Variants in SHISA6 observed in about 807,000 individuals in gnomAD.
SHISA6 encodes the protein shisa family member 6.
In SHISA6, 22 loss-of-function variants were observed where a neutral mutation model predicts 47.9. The observed-to-expected ratio is 0.46, with a 90% CI of 0.33 to 0.66. SHISA6 has a LOEUF of 0.66. Among genes scored for constraint, SHISA6 ranks in the 30% least tolerant of loss-of-function variants. The probability of loss-of-function intolerance (pLI) is 0.02; values close to 1 mark genes in which losing one functional copy is unlikely to be tolerated. For synonymous variants in SHISA6, 388 were observed against 337.8 expected (o/e 1.15, Z -1.63); for missense variants, 680 against 764.6 (o/e 0.89, Z 1.30).
chr17:11,241,793 GC>G lies in SHISA6; in HGVS notation c.372del (p.Tyr125ThrfsTer60). The G allele has an allele frequency of 1.3e-6, 2 of 1,550,178 alleles. No homozygotes were observed. The highest frequency in any genetic ancestry group is 1.7e-6 in the Non-Finnish European group (2 of 1,146,988). Reference protein sequence around the residue: ...ESGYLYCCGTCYYRFCCKKRH... With the variant: ...ESGYLYCCGTXYYRFCCKKRH... ...GGCTACCTGTACTGCTGCGGTACCT[GC>G]TACTACCGCTTCTGCTGCAAGAAGC... On this transcript the variant is annotated frameshift_variant, in exon 1 of 6. Transcript: ENST00000441885. LOFTEE classifies it high-confidence loss of function. The surrounding 1 kb of genome is among the most constrained non-coding windows in gnomAD (Gnocchi z 5.5).
At chr17:11,504,383 A>C (rs927671946) in intron 3 of SHISA6, among the ~76,000 whole-genome samples, 10 of 152,300 alleles carry the variant, frequency 6.6e-5, no homozygotes, top group African/African-American at 2.4e-4. Flanking sequence ...CTCTTTCATC[A>C]TGAGGAGGAG....
chr17:11,522,460 G>A (rs2071638735), intron 3 of SHISA6, among the ~76,000 whole-genome samples: 1 of 152,116 alleles, frequency 6.6e-6, no homozygotes, highest in African/African-American at 2.4e-5. Flanking sequence ...TAGAGAAGTT[G>A]TAGTTTGGGA....
chr17:11,481,573 A>G (rs1037797450), intron 3 of SHISA6, among the ~76,000 whole-genome samples: 1 of 151,368 alleles, frequency 6.6e-6, no homozygotes, highest in African/African-American at 2.4e-5. Flanking sequence ...GCTGACTACA[A>G]CCTGTGCTTC....
At chr17:11,316,346 T>G (rs1434751324) in intron 2 of SHISA6, among the ~76,000 whole-genome samples, 1 of 142,598 alleles carries the variant, frequency 7.0e-6, no homozygotes, top group African/African-American at 2.5e-5. Flanking sequence ...TTTTTTTTTT[T>G]GTATTCAATG....
chr17:11,365,960 A>T (rs1912436583), intron 2 of SHISA6, among the ~76,000 whole-genome samples: 2 of 152,232 alleles, frequency 1.3e-5, no homozygotes, highest in African/African-American at 4.8e-5. Flanking sequence ...GTTTACAAAC[A>T]TCTGAGGACA....
intron 3 of SHISA6, among the ~76,000 whole-genome samples, chr17:11,414,260 T>A (rs1914217282): frequency 6.6e-6 from 1 of 152,174 alleles, no homozygotes; most frequent in South Asian, 2.1e-4. Context: ...CAAAACAGTA[T>A]TGGGACACAC....
intron 3 of SHISA6, among the ~76,000 whole-genome samples, chr17:11,432,996 CTG>C (rs1914828707): frequency 6.6e-6 from 1 of 152,156 alleles, no homozygotes; most frequent in East Asian, 1.9e-4. Flanking sequence ...TTGCACAACT[CTG>C]TGAATACACA....
chr17:11,254,047 G>T (rs988798506), intron 1 of SHISA6, among the ~76,000 whole-genome samples: 4 of 152,190 alleles, frequency 2.6e-5, no homozygotes, highest in Non-Finnish European at 4.4e-5. Flanking sequence ...GTGGTAGGAG[G>T]CCCTTAGCCA....
chr17:11,450,624 G>A (rs2142305131), intron 3 of SHISA6, among the ~76,000 whole-genome samples: 1 of 152,162 alleles, frequency 6.6e-6, no homozygotes, highest in South Asian at 2.1e-4. Flanking sequence ...GTGCCCAGGA[G>A]GCAGAGGTTG....
chr17:11,241,368 C>T lies in SHISA6; in HGVS notation c.-55C>T. 2.0e-6 allele frequency: 2 copies of T among 1,015,756 alleles called. No individual in the cohort carries two copies. The highest frequency in any genetic ancestry group is 2.3e-6 in the Non-Finnish European group (2 of 851,292). The allele number at this position is 1,015,756 out of a possible 1,614,324, so 62.9% of individuals were successfully genotyped here. A position where few individuals can be genotyped will look rare whatever the true frequency, so the allele number is the denominator to read the frequency against. ...CGGCGGGTCCTCCGAGCCCGGCCCG[C>T]CGGGGGAGCGGCCTGCCGCGGAAGC... On this transcript the variant is annotated 5_prime_UTR_variant, in exon 1 of 6. Coordinates refer to ENST00000441885, the MANE Select transcript of SHISA6 (RefSeq NM_207386.4). The surrounding 1 kb of genome is among the most constrained non-coding windows in gnomAD (Gnocchi z 5.5).
intron 3 of SHISA6, among the ~76,000 whole-genome samples, chr17:11,529,204 T>A (rs943476715): frequency 6.6e-6 from 1 of 150,812 alleles, no homozygotes; most frequent in African/African-American, 2.4e-5. Context: ...AAAAAAAAAA[T>A]TAAAAAAAAT....
intron 1 of SHISA6, among the ~76,000 whole-genome samples, chr17:11,250,842 G>T (rs1313393400): frequency 1.3e-5 from 2 of 152,132 alleles, no homozygotes; most frequent in Non-Finnish European, 2.9e-5. Context: ...GCCAGAGTTG[G>T]AGAGAACTGG....
chr17:11,348,961 C>G (rs1017302835), intron 2 of SHISA6, among the ~76,000 whole-genome samples: 1 of 152,312 alleles, frequency 6.6e-6, no homozygotes, highest in African/African-American at 2.4e-5. Flanking sequence ...TCTGGCTGTG[C>G]TTTCACTAGT....
At chr17:11,465,978 T>C (rs1363834401) in intron 3 of SHISA6, among the ~76,000 whole-genome samples, 2 of 152,144 alleles carry the variant, frequency 1.3e-5, no homozygotes, top group Non-Finnish European at 2.9e-5. Flanking sequence ...AAGAAAGTTC[T>C]TATAAAACGG....
intron 2 of SHISA6, among the ~76,000 whole-genome samples, chr17:11,277,767 G>A (rs1238764866): frequency 1.3e-5 from 2 of 152,062 alleles, no homozygotes; most frequent in Admixed American, 6.5e-5. Flanking sequence ...GGCTTCCTAA[G>A]CACGTGCCTT....
intron 3 of SHISA6, among the ~76,000 whole-genome samples, chr17:11,516,533 G>A (rs1054231707): frequency 6.6e-6 from 1 of 152,172 alleles, no homozygotes; most frequent in East Asian, 1.9e-4. Flanking sequence ...GAAGGAGGGG[G>A]ATCTCAGGGA....
intron 2 of SHISA6, among the ~76,000 whole-genome samples, chr17:11,370,028 A>G (rs1177835514): frequency 6.6e-6 from 1 of 152,168 alleles, no homozygotes; most frequent in African/African-American, 2.4e-5. Context: ...CCCTAGCTCC[A>G]GTTTCCTCAT....
chr17:11,444,758 A>C (rs1324802950), intron 3 of SHISA6, among the ~76,000 whole-genome samples: 9 of 152,174 alleles, frequency 5.9e-5, no homozygotes, highest in Non-Finnish European at 4.4e-5. Context: ...TAATTCTCTC[A>C]AGATATACAG....
At chr17:11,526,880 C>CATATATAT (rs149856154) in intron 3 of SHISA6, among the ~76,000 whole-genome samples, 6 of 111,902 alleles carry the variant, frequency 5.4e-5, no homozygotes, top group Admixed American at 8.8e-5. Flanking sequence ...TATCTATCAT[C>CATATATAT]ATATATATAT....
Sources: allele counts gnomAD v4.1 joint callset (sites outside exome capture counted in the v4.1 genomes callset), GRCh38; gene constraint gnomAD v4.1.1; non-coding constraint Gnocchi (gnomAD v3.1); transcripts MANE v1.5; gene names NCBI Gene and HGNC (gene_info 2026-07-23, HGNC 2026-07-21).